The following TRMT44 variants were observed in gnomAD, a reference collection of about 807,000 sequenced individuals.
TRMT44 encodes tRNA methyltransferase 44 homolog, also known as probable tRNA (uracil-O(2)-)-methyltransferase.
A neutral mutation model predicts 77.3 loss-of-function variants in TRMT44; 78 were observed. The ratio of observed to expected loss-of-function variants is 1.01; its 90% CI spans 0.84 to 1.22. The LOEUF (loss-of-function observed/expected upper bound fraction) is 1.22. Among genes scored for constraint, TRMT44 ranks in the 50% most tolerant of loss-of-function variants. TRMT44 has a pLI of 0.00. For missense variants in TRMT44, 1,090 were observed against 964.4 expected, an observed-to-expected ratio of 1.13 and a Z score of -1.73; for synonymous variants, 391 against 383.3, an observed-to-expected ratio of 1.02 and a Z score of -0.23.
intron 7 of TRMT44, among the ~76,000 whole-genome samples, chr4:8,464,414 C>G (rs1313561050): frequency 6.6e-6 from 1 of 152,116 alleles, no homozygotes; most frequent in Non-Finnish European, 1.5e-5. Context: ...AAGAGGTGTC[C>G]TTTTTGGAAG....
In TRMT44 at chr4:8,451,702, C is replaced by G. The variant is rs1026692173; in HGVS notation, c.955-258C>G. 1.3e-4 allele frequency among the ~76,000 whole-genome samples: 20 copies of G among 152,212 alleles called. No individual in the cohort carries two copies. Among genetic ancestry groups the G allele is most frequent in the Non-Finnish European group, 2.8e-4 (19 of 68,046 alleles). On this transcript the variant is annotated intron_variant, in intron 3 of 10. Transcript: ENST00000389737. This position sits in a 1 kb window ranked among gnomAD's most constrained non-coding sequence, Gnocchi z 4.1. ...TAAGTGTTTCCTCTGTGTCCACTGC[C>G]TCAGCTAAATGCCTTAGGTACATTC...
intron 8 of TRMT44, among the ~76,000 whole-genome samples, chr4:8,466,695 C>G (rs1726577637): frequency 6.6e-6 from 1 of 152,222 alleles, no homozygotes; most frequent in Non-Finnish European, 1.5e-5. Flanking sequence ...GAGCCCGTGG[C>G]TTTGATTTTT....
rs1037899412 is a variant in TRMT44 at position 8,444,601 on chromosome 4, T to C, written c.620-1875T>C. On this transcript the variant is annotated intron_variant, in intron 1 of 10. Transcript: ENST00000389737. The surrounding 1 kb of genome is among the most constrained non-coding windows in gnomAD (Gnocchi z 4.0). ...TTCGTAGAGATGGGGTTTCACCATG[T>C]TGGCCAGACTGGTCTCCTACTCCTG... Among the ~76,000 whole-genome samples the C allele has an allele frequency of 1.3e-5, 2 of 152,230 alleles. No homozygotes were observed. The highest frequency in any genetic ancestry group is 4.8e-5 in the African/African-American group (2 of 41,472).
the TRMT44 span, among the ~76,000 whole-genome samples, chr4:8,500,372 A>G: frequency 6.6e-6 from 1 of 150,804 alleles, no homozygotes; most frequent in Non-Finnish European, 1.5e-5. Flanking sequence ...TGCACCCATA[A>G]TCGCAGCTAC....
Position 8,451,809 on chromosome 4 carries a change from C to A in TRMT44, c.955-151C>A. ...TATGTAAATCTTTTATTGTAAGAAA[C>A]CAGTTGTGAATTCCTGCCTTTGAGC... is the stretch of plus-strand genomic sequence containing the variant. On this transcript the variant is annotated intron_variant, in intron 3 of 10. Transcript: ENST00000389737. This position sits in a 1 kb window ranked among gnomAD's most constrained non-coding sequence, Gnocchi z 4.1. 1.5e-6 allele frequency: 1 copy of A among 667,316 alleles called. No individual in the cohort carries two copies. Among genetic ancestry groups the A allele is most frequent in the Non-Finnish European group, 2.6e-6 (1 of 387,542 alleles). The allele number at this position is 667,316 out of a possible 1,614,324, so 41.3% of individuals were successfully genotyped here. A position where few individuals can be genotyped will look rare whatever the true frequency, so the allele number is the denominator to read the frequency against.
In TRMT44 at chr4:8,476,028, G is replaced by A. The variant is rs1243259691; in HGVS notation, c.*27G>A. 4 of 1,606,720 alleles carry A rather than the reference G, an allele frequency of 2.5e-6. No individual in the cohort carries two copies. The African/African-American group carries it at 4.0e-5, about 16-fold the overall frequency. On this transcript the variant is annotated 3_prime_UTR_variant, in exon 11 of 11. Coordinates refer to ENST00000389737, the MANE Select transcript of TRMT44 (RefSeq NM_152544.3). ...CTGCATCCTTGCCAGCCGAGGCCTG[G>A]TTGGGGAGGCCAAACCAAGGAGAGC...
chr4:8,497,200 A>G (rs1728173712), downstream of TRMT44, among the ~76,000 whole-genome samples: 1 of 151,000 alleles, frequency 6.6e-6, no homozygotes, highest in African/African-American at 2.4e-5. Flanking sequence ...CTTTACTGTT[A>G]CTCCTTTCCT....
At chr4:8,442,159 A>C (rs938682477) in intron 1 of TRMT44, among the ~76,000 whole-genome samples, 1 of 152,244 alleles carries the variant, frequency 6.6e-6, no homozygotes, top group Admixed American at 6.5e-5. Context: ...CGCCCAGAGC[A>C]TGGGAACATC....
chr4:8,471,375 G>A (rs532608460), intron 10 of TRMT44, among the ~76,000 whole-genome samples, 175 bp downstream of exon 10: 10 of 152,292 alleles, frequency 6.6e-5, no homozygotes, highest in African/African-American at 1.9e-4. Context: ...AGGGTGGGAC[G>A]TGGGTCACCC....
intron 6 of TRMT44, among the ~76,000 whole-genome samples, chr4:8,456,227 G>C (rs1348791823): frequency 6.6e-6 from 1 of 152,202 alleles, no homozygotes; most frequent in Non-Finnish European, 1.5e-5. Flanking sequence ...AGTGTTTCAA[G>C]TGCCCAATTA....
At chr4:8,502,881 C>T in the TRMT44 span, among the ~76,000 whole-genome samples, 1 of 152,244 alleles carries the variant, frequency 6.6e-6, no homozygotes, top group Non-Finnish European at 1.5e-5. Flanking sequence ...TGGGCCACTA[C>T]AGGGTCTGCC....
rs529369316 is a variant in TRMT44 at position 8,460,803 on chromosome 4, G to C, written c.1204-3182G>C. ...TGGCCTCAAGTGATCCACCTGCCTCGGCCTCCCAAAGTGCTGGGATTATAG... is the reference window on the plus strand; with the variant it reads ...TGGCCTCAAGTGATCCACCTGCCTCCGCCTCCCAAAGTGCTGGGATTATAG... On this transcript the variant is annotated intron_variant, in intron 6 of 10. Transcript: ENST00000389737. Among the ~76,000 whole-genome samples, 134 of 152,168 alleles carry C rather than the reference G, an allele frequency of 8.8e-4. 1 individual carries two copies. Among genetic ancestry groups the C allele is most frequent in the African/African-American group, 3.2e-3 (132 of 41,516 alleles).
the TRMT44 span, among the ~76,000 whole-genome samples, chr4:8,515,128 G>A: frequency 1.3e-5 from 2 of 152,140 alleles, no homozygotes; most frequent in African/African-American, 4.8e-5. Context: ...ACCATATCCA[G>A]CTAATTTTTG....
At chr4:8,449,007 T>G (rs1418275892) in intron 2 of TRMT44, among the ~76,000 whole-genome samples, 1 of 152,246 alleles carries the variant, frequency 6.6e-6, no homozygotes, top group East Asian at 1.9e-4. Flanking sequence ...AACGCAGCCC[T>G]TGGACAGTGT....
chr4:8,476,105 C>T lies in TRMT44; in HGVS notation c.*104C>T. ...TCTCTGCTCTGGCTGTGTTTCAGCC[C>T]ACCTCCTCCCAGCTTTCTCCACATC... On this transcript the variant is annotated 3_prime_UTR_variant, in exon 11 of 11. Transcript: ENST00000389737. 1.0e-6 allele frequency: 1 copy of T among 1,001,910 alleles called. No homozygotes were observed. Among genetic ancestry groups the T allele is most frequent in the Non-Finnish European group, 1.5e-6 (1 of 673,450 alleles). 62.1% of individuals were successfully genotyped at this position (1,001,910 alleles called of 1,614,324 possible). A position where few individuals can be genotyped will look rare whatever the true frequency, so the allele number is the denominator to read the frequency against.
At chr4:8,471,379 G>T (rs1483293551) in intron 10 of TRMT44, among the ~76,000 whole-genome samples, 179 bp downstream of exon 10, 3 of 152,180 alleles carry the variant, frequency 2.0e-5, no homozygotes, top group Admixed American at 6.5e-5. Flanking sequence ...TGGGACGTGG[G>T]TCACCCCGTT....
chr4:8,494,835 A>C (rs1728105527), downstream of TRMT44, among the ~76,000 whole-genome samples: 1 of 151,618 alleles, frequency 6.6e-6, no homozygotes, highest in Admixed American at 6.6e-5. Flanking sequence ...GCTGTCTTAT[A>C]TAGGGATAAA....
chr4:8,445,051 A>G (rs1480064644), intron 1 of TRMT44, among the ~76,000 whole-genome samples: 1 of 152,216 alleles, frequency 6.6e-6, no homozygotes, highest in Non-Finnish European at 1.5e-5. Flanking sequence ...ACTCCCAACA[A>G]TAAGGAGTTA....
At chr4:8,500,593 C>T in the TRMT44 span, among the ~76,000 whole-genome samples, 2 of 152,062 alleles carry the variant, frequency 1.3e-5, no homozygotes, top group African/African-American at 4.8e-5. Flanking sequence ...AACCTCTTCC[C>T]CACTCCAGGG....
Sources: gnomAD v4.1 joint callset for allele counts (sites outside exome capture counted in the v4.1 genomes callset) on GRCh38, gnomAD v4.1.1 for gene constraint, Gnocchi (gnomAD v3.1) non-coding constraint, MANE v1.5 for transcripts, NCBI Gene and HGNC (gene_info 2026-07-23, HGNC 2026-07-21) for gene names.